LETM2: variants seen among roughly 807,000 people sequenced by gnomAD.
The protein encoded by LETM2 is LETM1 domain-containing protein LETM2, mitochondrial.
Under a neutral mutation model 59.6 loss-of-function variants are expected in LETM2, and 58 were observed. The observed-to-expected ratio is 0.97, with a 90% CI of 0.79 to 1.21. LETM2 has a LOEUF of 1.21. Ranked by LOEUF, LETM2 falls within the 50% of genes most tolerant of loss-of-function variation. LETM2 has a pLI of 0.00. For synonymous variants in LETM2, 199 were observed against 214.1 expected (o/e 0.93, Z 0.62); for missense variants, 572 against 575.7 (o/e 0.99, Z 0.07).
At chr8:38,390,848 A>G (rs1444178167) in intron 2 of LETM2, among the ~76,000 whole-genome samples, 1 of 150,578 alleles carries the variant, frequency 6.6e-6, no homozygotes, top group Non-Finnish European at 1.5e-5. Flanking sequence ...ACGCCCAGCT[A>G]ATTTTTGTAT....
At chr8:38,407,501 C>A in intron 10 of LETM2, 38 bp downstream of exon 10, 1 of 1,329,128 alleles carries the variant, frequency 7.5e-7, no homozygotes. Context: ...AAGAGAAGAC[C>A]CTTTCCCTCT....
At chr8:38,388,243 C>G (rs1172854256) in intron 2 of LETM2, among the ~76,000 whole-genome samples, 2 of 151,908 alleles carry the variant, frequency 1.3e-5, no homozygotes, top group African/African-American at 4.8e-5. Flanking sequence ...CCACCTCCGG[C>G]TAATCTTTGT....
At chr8:38,402,406 C>A in intron 6 of LETM2, 119 bp from the exon 7 acceptor site, 1 of 1,126,964 alleles carries the variant, frequency 8.9e-7, no homozygotes, top group Non-Finnish European at 1.3e-6. Flanking sequence ...GCAGTAGCAG[C>A]CAGTGCAGGG....
At chr8:38,402,380 T>G (rs1362945368) in intron 6 of LETM2, 145 bp from the exon 7 acceptor site, 4 of 766,170 alleles carry the variant, frequency 5.2e-6, no homozygotes, top group Non-Finnish European at 8.5e-6. Flanking sequence ...AACTGCCACC[T>G]CCCTACGTCG....
chr8:38,399,272 T>C (rs77117870), intron 4 of LETM2, among the ~76,000 whole-genome samples: 1 of 152,210 alleles, frequency 6.6e-6, no homozygotes, highest in African/African-American at 2.4e-5. Flanking sequence ...ACAGTGTCCA[T>C]TTACTTTTCT....
rs1231310899 is a variant in LETM2 at position 38,402,062 on chromosome 8, CTG to C, written c.985-459_985-458del. Among the ~76,000 whole-genome samples, 15 of 152,010 alleles carry C rather than the reference CTG, an allele frequency of 9.9e-5. 1 individual carries two copies. Among genetic ancestry groups the C allele is most frequent in the Admixed American group, 9.8e-4 (15 of 15,260 alleles). Reference sequence around the variant, plus strand: ...TGTTTTGGGTTACGCCAAGCAGAAACTGTGTTATTTACTGAGGGAGTTTTGTG... The same window carrying C: ...TGTTTTGGGTTACGCCAAGCAGAAACTGTTATTTACTGAGGGAGTTTTGTG... On this transcript the variant is annotated intron_variant, in intron 6 of 10. Transcript: ENST00000379957.
rs1191074213 is a variant in LETM2 at position 38,408,266 on chromosome 8, G to A, written c.1468G>A (p.Gly490Arg). 1.2e-6 allele frequency: 2 copies of A among 1,612,430 alleles called. No individual in the cohort carries two copies. The highest frequency in any genetic ancestry group is 1.7e-5 in the Admixed American group (1 of 59,806). The change falls in exon 11 of 11, where the codon GGA (glycine) becomes AGA (arginine). Residue 490 changes from glycine to arginine, a missense_variant. Physicochemically the swap from Gly to Arg is moderately radical, Grantham distance 125. Transcript: ENST00000379957. ...TAQNSKASSK[G>R]A ...CCAGAACAGCAAGGCTAGTTCAAAA[G>A]GAGCATAAAGGACTACTTGAGGATG...
intron 5 of LETM2, 120 bp from the exon 6 acceptor site, chr8:38,400,733 G>A (rs909357719): frequency 1.8e-5 from 16 of 907,516 alleles, no homozygotes; most frequent in African/African-American, 1.2e-4. Flanking sequence ...CCACGAAGCC[G>A]ATTTCCAGAT....
At chr8:38,408,020 G>T (rs1406976893) in intron 10 of LETM2, 192 bp from the exon 11 acceptor site, 1 of 538,082 alleles carries the variant, frequency 1.9e-6, no homozygotes, top group Non-Finnish European at 3.4e-6. Context: ...GGTAAGCCCA[G>T]AAAAGCATCC....
chr8:38,395,095 G>A (rs1375614143), intron 4 of LETM2, among the ~76,000 whole-genome samples: 2 of 152,156 alleles, frequency 1.3e-5, no homozygotes, highest in Non-Finnish European at 2.9e-5. Context: ...TTGTATGGCT[G>A]TACCACAGCT....
At chr8:38,407,928 G>A in intron 10 of LETM2, 1 of 420,864 alleles carries the variant, frequency 2.4e-6, no homozygotes, top group South Asian at 2.4e-5. Flanking sequence ...TGGGGAGGTT[G>A]TGGGAGAGTT....
chr8:38,392,254 G>A (rs1221458750), intron 2 of LETM2, among the ~76,000 whole-genome samples: 1 of 151,886 alleles, frequency 6.6e-6, no homozygotes, highest in Non-Finnish European at 1.5e-5. Flanking sequence ...GTGAAAACCC[G>A]ACTCTACTAA....
chr8:38,390,330 GA>G (rs1326575623), intron 2 of LETM2, among the ~76,000 whole-genome samples: 1 of 151,168 alleles, frequency 6.6e-6, no homozygotes, highest in Admixed American at 6.6e-5. Flanking sequence ...AACAGAAAGA[GA>G]AAAAAAAGAG....
rs58859997 is a variant in LETM2, at chr8:38,392,414, G to GAA, written c.48-117_48-116dup. 5.7e-3 allele frequency: 3,252 copies of GAA among 572,252 alleles called. 1 individual carries two copies. The highest frequency in any genetic ancestry group is 6.8e-3 in the Non-Finnish European group (2,279 of 336,054). The allele number at this position is 572,252 out of a possible 1,614,324, so 35.4% of individuals were successfully genotyped here. ...CACTCCAGCCTGGGCAATGGGAGTGGAAAAAAAAAAAAGCTGTTTTATTTT... is the reference window on the plus strand; with the variant it reads ...CACTCCAGCCTGGGCAATGGGAGTGGAAAAAAAAAAAAAAGCTGTTTTATTTT... On this transcript the variant is annotated intron_variant, in intron 2 of 10. Transcript: ENST00000379957.
intron 7 of LETM2, 141 bp downstream of exon 7, chr8:38,402,785 G>A (rs1356000772): frequency 5.1e-6 from 4 of 783,856 alleles, no homozygotes; most frequent in East Asian, 5.3e-5. Flanking sequence ...GATGCTGAAG[G>A]ACTAGGTTGA....
intron 9 of LETM2, 37 bp downstream of exon 9, chr8:38,407,075 A>G (rs781125541): frequency 1.4e-5 from 18 of 1,328,870 alleles, no homozygotes; most frequent in Non-Finnish European, 1.8e-5. Flanking sequence ...AATTAGATTA[A>G]AAAATGAAAA....
intron 4 of LETM2, among the ~76,000 whole-genome samples, chr8:38,399,327 T>C (rs946974150): frequency 3.3e-5 from 5 of 152,244 alleles, no homozygotes; most frequent in African/African-American, 1.2e-4. Context: ...CTTAACTCAC[T>C]GTATTGTAAT....
intron 2 of LETM2, among the ~76,000 whole-genome samples, chr8:38,392,235 G>C (rs1482112457): frequency 6.6e-6 from 1 of 151,950 alleles, no homozygotes; most frequent in Admixed American, 6.6e-5. Flanking sequence ...GATTATCCTG[G>C]CCAATGTGGT....
At chr8:38,394,372 C>A (rs1402674818) in intron 4 of LETM2, 131 bp downstream of exon 4, 4 of 497,728 alleles carry the variant, frequency 8.0e-6, no homozygotes, top group African/African-American at 1.9e-5. Context: ...TAATTAATAT[C>A]TTGCATTAGT....
Sources: allele counts gnomAD v4.1 joint callset (sites outside exome capture counted in the v4.1 genomes callset), GRCh38; gene constraint gnomAD v4.1.1; transcripts MANE v1.5; gene names NCBI Gene and HGNC (gene_info 2026-07-23, HGNC 2026-07-21).